The following CAMTA1 variants were observed in gnomAD, a reference collection of about 807,000 sequenced individuals.
CAMTA1 encodes the protein calmodulin binding transcription activator 1, also known as calmodulin-binding transcription activator 1.
Under a neutral mutation model 170.9 loss-of-function variants are expected in CAMTA1, and 27 were observed. The observed-to-expected ratio is 0.16, with a 90% CI of 0.12 to 0.22. The LOEUF (loss-of-function observed/expected upper bound fraction) is 0.22, where lower values mean the gene tolerates loss of function less well. Ranked by LOEUF, CAMTA1 falls within the 10% of genes least tolerant of loss-of-function variation. The probability of loss-of-function intolerance (pLI) is 1.00; values close to 1 mark genes in which losing one functional copy is unlikely to be tolerated. For missense variants in CAMTA1, 1,619 were observed against 2,217.2 expected, an observed-to-expected ratio of 0.73 and a Z score of 5.42; for synonymous variants, 833 against 891.5, an observed-to-expected ratio of 0.93 and a Z score of 1.17.
intron 4 of CAMTA1, among the ~76,000 whole-genome samples, chr1:7,169,025 G>A (rs1649075112): frequency 6.6e-6 from 1 of 152,124 alleles, no homozygotes; most frequent in Non-Finnish European, 1.5e-5. Context: ...ATTATTGAAT[G>A]CTTTTAATGT....
chr1:6,925,435 A>G (rs1043662700), intron 3 of CAMTA1, among the ~76,000 whole-genome samples: 7 of 152,142 alleles, frequency 4.6e-5, no homozygotes, highest in African/African-American at 7.2e-5. Flanking sequence ...GGGGTCCTAC[A>G]TTTTAGGCCC....
At chr1:7,542,990 G>A (rs920789217) in intron 6 of CAMTA1, among the ~76,000 whole-genome samples, 5 of 151,934 alleles carry the variant, frequency 3.3e-5, no homozygotes, top group Non-Finnish European at 4.4e-5. Context: ...TCAGCCTCCC[G>A]AGTAGCTGGG....
chr1:7,559,327 G>A (rs113043705), intron 6 of CAMTA1, among the ~76,000 whole-genome samples: 2,724 of 152,246 alleles, frequency 0.018, 88 homozygotes, highest in African/African-American at 0.062. Context: ...CCCAGGGGAG[G>A]GGAGGTTCTC....
chr1:7,106,514 G>A (rs1189439037), intron 4 of CAMTA1, among the ~76,000 whole-genome samples: 1 of 152,140 alleles, frequency 6.6e-6, no homozygotes, highest in Non-Finnish European at 1.5e-5. Context: ...AGCTAATTAG[G>A]TACAGAAGTT....
intron 6 of CAMTA1, among the ~76,000 whole-genome samples, chr1:7,557,151 A>C (rs1406279821): frequency 1.3e-5 from 2 of 151,958 alleles, no homozygotes; most frequent in East Asian, 3.9e-4. Context: ...CTACTAAAAT[A>C]CAAAAAATTA....
chr1:7,150,730 C>T (rs902264897), intron 4 of CAMTA1, among the ~76,000 whole-genome samples: 1 of 152,072 alleles, frequency 6.6e-6, no homozygotes, highest in Non-Finnish European at 1.5e-5. Flanking sequence ...CAGAAGGACG[C>T]GCAGGACGTG....
chr1:7,739,789 A>G (rs1332336949), intron 16 of CAMTA1, among the ~76,000 whole-genome samples: 1 of 152,196 alleles, frequency 6.6e-6, no homozygotes, highest in Non-Finnish European at 1.5e-5. Flanking sequence ...GCATTATGGG[A>G]GCTACAGTTC....
chr1:7,187,534 C>G (rs1653624768), intron 4 of CAMTA1, among the ~76,000 whole-genome samples: 1 of 152,092 alleles, frequency 6.6e-6, no homozygotes, highest in Non-Finnish European at 1.5e-5. Context: ...CAGCTGGGAA[C>G]TTAAGCATTC....
intron 1 of CAMTA1, 123 bp downstream of exon 1, chr1:6,785,698 G>T: frequency 7.9e-6 from 1 of 126,414 alleles, no homozygotes; most frequent in South Asian, 2.6e-4. Context: ...GCGGGCGGGC[G>T]GGCGACCCGG....
At chr1:7,551,445 G>A (rs900517697) in intron 6 of CAMTA1, among the ~76,000 whole-genome samples, 28 of 152,202 alleles carry the variant, frequency 1.8e-4, no homozygotes, top group African/African-American at 6.0e-4. Context: ...GTTCCCAGAC[G>A]CTTGTTCCTT....
intron 11 of CAMTA1, among the ~76,000 whole-genome samples, chr1:7,686,283 C>G (rs1177904904): frequency 1.3e-5 from 2 of 152,114 alleles, no homozygotes; most frequent in Non-Finnish European, 2.9e-5. Context: ...CCTGGATGGT[C>G]TGGGAGAGGG....
At chr1:7,307,844 C>G (rs1675826220) in intron 5 of CAMTA1, among the ~76,000 whole-genome samples, 1 of 151,972 alleles carries the variant, frequency 6.6e-6, no homozygotes, top group Non-Finnish European at 1.5e-5. Context: ...GTTTTGGTAT[C>G]AAGATGTTAC....
chr1:6,995,161 C>CT (rs201374756), intron 3 of CAMTA1, among the ~76,000 whole-genome samples: 19 of 149,970 alleles, frequency 1.3e-4, no homozygotes, highest in South Asian at 1.3e-3. Context: ...TTTTCAAACT[C>CT]TTTTTTTTTC....
chr1:7,136,193 T>G (rs1325618361), intron 4 of CAMTA1, among the ~76,000 whole-genome samples: 1 of 152,296 alleles, frequency 6.6e-6, no homozygotes, highest in Non-Finnish European at 1.5e-5. Flanking sequence ...TCCTCCACAC[T>G]CTCAGCTTTT....
intron 1 of CAMTA1, among the ~76,000 whole-genome samples, chr1:6,790,438 C>T (rs1486776471): frequency 6.6e-6 from 1 of 150,704 alleles, no homozygotes; most frequent in Non-Finnish European, 1.5e-5. Flanking sequence ...CCTTCTTAAT[C>T]TGATTGTGTA....
At chr1:7,572,559 G>A (rs1424480393) in intron 6 of CAMTA1, among the ~76,000 whole-genome samples, 1 of 151,952 alleles carries the variant, frequency 6.6e-6, no homozygotes, top group Non-Finnish European at 1.5e-5. Context: ...TCTATATATG[G>A]CTAACCAGTT....
chr1:7,644,820 G>A (rs564616426), intron 7 of CAMTA1, among the ~76,000 whole-genome samples: 1 of 152,312 alleles, frequency 6.6e-6, no homozygotes, highest in African/African-American at 2.4e-5. Context: ...CGTACTTTGG[G>A]GAAAGAGGTT....
intron 5 of CAMTA1, among the ~76,000 whole-genome samples, chr1:7,285,377 CG>C (rs1672210988): frequency 6.6e-6 from 1 of 152,196 alleles, no homozygotes; most frequent in Admixed American, 6.5e-5. Context: ...GATGCACCTT[CG>C]GGAAGTTCTG....
intron 5 of CAMTA1, among the ~76,000 whole-genome samples, chr1:7,295,604 A>G (rs1434814309): frequency 6.6e-6 from 1 of 152,250 alleles, no homozygotes; most frequent in Non-Finnish European, 1.5e-5. Context: ...ACACGGCCAC[A>G]TGGGAAAATG....
Sources: allele counts gnomAD v4.1 joint callset (sites outside exome capture counted in the v4.1 genomes callset), GRCh38; gene constraint gnomAD v4.1.1; transcripts MANE v1.5; gene names NCBI Gene and HGNC (gene_info 2026-07-23, HGNC 2026-07-21).